ASXL3: variants seen among roughly 807,000 people sequenced by gnomAD.
ASXL3 encodes the protein ASXL transcriptional regulator 3.
A neutral mutation model predicts 170.6 loss-of-function variants in ASXL3; 34 were observed. The observed-to-expected ratio is 0.20, with a 90% confidence interval of 0.15 to 0.27. The LOEUF (loss-of-function observed/expected upper bound fraction) is 0.27, where lower values mean the gene tolerates loss of function less well. Ranked by LOEUF, ASXL3 falls within the 10% of genes least tolerant of loss-of-function variation. The pLI is 1.00. For synonymous variants in ASXL3, 1,002 were observed against 989.1 expected, an observed-to-expected ratio of 1.01 and a Z score of -0.24; for missense variants, 2,592 against 2,695.3, an observed-to-expected ratio of 0.96 and a Z score of 0.85.
chr18:33,636,333 CA>C (rs2065764310), intron 2 of ASXL3, among the ~76,000 whole-genome samples: 1 of 57,272 alleles, frequency 1.7e-5, no homozygotes, highest in African/African-American at 6.9e-5. Context: ...ACAACAACAA[CA>C]GCAACAACAA....
intron 10 of ASXL3, among the ~76,000 whole-genome samples, chr18:33,735,036 A>G (rs2067520836): frequency 2.6e-5 from 4 of 152,130 alleles, no homozygotes; most frequent in Admixed American, 6.5e-5. Context: ...TGCTTTGGCA[A>G]TATTAGTGTC....
chr18:33,734,186 T>C, intron 9 of ASXL3, 124 bp from the exon 10 acceptor site: 1 of 529,574 alleles, frequency 1.9e-6, no homozygotes, highest in Non-Finnish European at 3.2e-6. Context: ...AGAAATGTTA[T>C]CATTATTTGT....
intron 8 of ASXL3, among the ~76,000 whole-genome samples, chr18:33,696,742 G>A (rs1190737696): frequency 2.6e-5 from 4 of 152,078 alleles, no homozygotes; most frequent in Non-Finnish European, 5.9e-5. Flanking sequence ...AGCAAGATCC[G>A]ATTGCAGAAA....
chr18:33,605,359 A>T (rs368282909), intron 1 of ASXL3: 2 of 151,952 alleles, frequency 1.3e-5, no homozygotes, highest in Non-Finnish European at 2.9e-5. Context: ...TTGTTCTATT[A>T]ATGTTTACAC....
At chr18:33,709,013 G>A (rs889573280) in intron 8 of ASXL3, among the ~76,000 whole-genome samples, 4 of 152,002 alleles carry the variant, frequency 2.6e-5, no homozygotes, top group Admixed American at 1.3e-4. Context: ...CTAAATGGCC[G>A]ATAAACATAT....
intron 7 of ASXL3, 42 bp downstream of exon 7, chr18:33,671,908 T>C: frequency 3.4e-6 from 5 of 1,467,070 alleles, no homozygotes; most frequent in Non-Finnish European, 4.5e-6. Flanking sequence ...TTTTAGAAAT[T>C]TGTGTTTTCT....
chr18:33,623,150 G>A (rs1462031818), intron 2 of ASXL3, among the ~76,000 whole-genome samples: 1 of 152,088 alleles, frequency 6.6e-6, no homozygotes, highest in South Asian at 2.1e-4. Flanking sequence ...GCACCTCCTT[G>A]TGAAGAATTC....
intron 1 of ASXL3, among the ~76,000 whole-genome samples, chr18:33,596,846 G>A (rs1246242986): frequency 6.6e-6 from 1 of 152,072 alleles, no homozygotes; most frequent in Non-Finnish European, 1.5e-5. Flanking sequence ...GACAGGGTCT[G>A]GCTCTGTTAC....
intron 2 of ASXL3, among the ~76,000 whole-genome samples, chr18:33,622,390 C>G (rs919570470): frequency 2.0e-5 from 3 of 152,078 alleles, no homozygotes; most frequent in African/African-American, 7.2e-5. Flanking sequence ...TTATTAAACC[C>G]TTTGCATTTA....
At chr18:33,604,491 A>G (rs2065222571) in intron 1 of ASXL3, among the ~76,000 whole-genome samples, 2 of 152,058 alleles carry the variant, frequency 1.3e-5, no homozygotes, top group Non-Finnish European at 2.9e-5. Flanking sequence ...AGGAGTAATG[A>G]GAGCAGTGTC....
At chr18:33,617,364 A>G (rs536738276) in intron 2 of ASXL3, among the ~76,000 whole-genome samples, 3 of 152,078 alleles carry the variant, frequency 2.0e-5, no homozygotes, top group South Asian at 2.1e-4. Context: ...GGTGGCCTGC[A>G]CCCGTAATCC....
intron 7 of ASXL3, 67 bp from the exon 8 acceptor site, chr18:33,683,338 G>A: frequency 1.5e-6 from 2 of 1,312,068 alleles, no homozygotes; most frequent in South Asian, 3.2e-5. Flanking sequence ...GGCTGTGTTT[G>A]TGTGTACGTA....
intron 8 of ASXL3, among the ~76,000 whole-genome samples, chr18:33,694,663 A>C (rs1000773390): frequency 1.3e-5 from 2 of 151,892 alleles, no homozygotes; most frequent in African/African-American, 4.8e-5. Flanking sequence ...CTAAACTCTC[A>C]ATTCTTTTGC....
At chr18:33,589,866 C>T (rs561789640) in intron 1 of ASXL3, among the ~76,000 whole-genome samples, 4 of 152,142 alleles carry the variant, frequency 2.6e-5, no homozygotes, top group Admixed American at 2.6e-4. Context: ...TTGTTATATG[C>T]ATTATATTGC....
chr18:33,592,256 A>G (rs1317883414), intron 1 of ASXL3, among the ~76,000 whole-genome samples: 3 of 152,308 alleles, frequency 2.0e-5, no homozygotes, highest in South Asian at 2.1e-4. Flanking sequence ...TTGTATGTAC[A>G]TGTTTATATT....
Position 33,739,323 on chromosome 18 carries a change from G to A in ASXL3, c.1919G>A (p.Cys640Tyr), listed in dbSNP as rs767133135. 17 of 1,613,344 alleles carry A rather than the reference G, an allele frequency of 1.1e-5. No homozygotes were observed. The highest frequency in any genetic ancestry group is 6.7e-5 in the Admixed American group (4 of 59,878). Reference protein sequence around the residue: ...GETQSTSEESCTPASLETTFC... With the variant: ...GETQSTSEESYTPASLETTFC... ...ACACAGTCCACATCAGAAGAATCAT[G>A]TACTCCAGCCTCCCTTGAGACAACA... is the stretch of plus-strand genomic sequence containing the variant. The change falls in exon 11 of 12, where the codon TGT becomes TAT. Residue 640 changes from cysteine to tyrosine, a missense_variant. Coordinates refer to ENST00000269197, the MANE Select transcript of ASXL3 (RefSeq NM_030632.3).
chr18:33,638,968 T>G (rs2065809180), intron 2 of ASXL3, among the ~76,000 whole-genome samples: 1 of 152,190 alleles, frequency 6.6e-6, no homozygotes, highest in South Asian at 2.1e-4. Flanking sequence ...TGTCTTCACT[T>G]ATTTTTGATA....
rs1261661581 is a variant in ASXL3 at position 33,591,291 on chromosome 18, T to C, written c.54+12606T>C. Among the ~76,000 whole-genome samples, 4 of 152,208 alleles carry C rather than the reference T, an allele frequency of 2.6e-5. No homozygotes were observed. The East Asian group carries it at 7.7e-4, about 29-fold the overall frequency. ...ACTTAGCTTTGTGGAAATTTATCTCTACTTTTTCAGCTTGGAAAGTGGATG... is the reference window on the plus strand; with the variant it reads ...ACTTAGCTTTGTGGAAATTTATCTCCACTTTTTCAGCTTGGAAAGTGGATG... On this transcript the variant is annotated intron_variant, in intron 1 of 11. Coordinates refer to ENST00000269197, the MANE Select transcript of ASXL3 (RefSeq NM_030632.3).
chr18:33,670,150 C>T lies in ASXL3; in HGVS notation c.478-523C>T, dbSNP rs1477777614. On this transcript the variant is annotated intron_variant, in intron 5 of 11. Coordinates refer to ENST00000269197, the MANE Select transcript of ASXL3 (RefSeq NM_030632.3). ...CCTTCACAGAAATAAATGATTCCTG[C>T]CATGTTGAGTGATTTTGTGCAGTGC... 2.0e-5 allele frequency among the ~76,000 whole-genome samples: 3 copies of T among 152,164 alleles called. No homozygotes were observed. In the East Asian group the frequency reaches 5.8e-4, roughly 29 times the overall value.
Sources: allele counts gnomAD v4.1 joint callset (sites outside exome capture counted in the v4.1 genomes callset), GRCh38; gene constraint gnomAD v4.1.1; transcripts MANE v1.5; gene names NCBI Gene and HGNC (gene_info 2026-07-23, HGNC 2026-07-21).